Variants in TMEM232 observed in about 807,000 individuals in gnomAD.
TMEM232 encodes the protein transmembrane protein 232.
In TMEM232, 80 loss-of-function variants were observed where a neutral mutation model predicts 78.8. The ratio of observed to expected loss-of-function variants is 1.01; its 90% CI spans 0.85 to 1.22. The LOEUF (loss-of-function observed/expected upper bound fraction) is 1.22, where lower values mean the gene tolerates loss of function less well. TMEM232 is among the 50% of genes most tolerant of loss of function. The pLI, the probability that TMEM232 is intolerant of heterozygous loss-of-function variation, is 0.00. For synonymous variants in TMEM232, 297 were observed against 254.3 expected, an observed-to-expected ratio of 1.17 and a Z score of -1.60; for missense variants, 881 against 742.2, an observed-to-expected ratio of 1.19 and a Z score of -2.17.
In TMEM232 at chr5:110,429,092, A is replaced by G. The variant is rs530416841; in HGVS notation, c.1704-4176T>C. ...AGGAGTGGGAAAAAATAATAAGAAG[A>G]AAAAGCTTAGATTCTTCTCTCCAGA... On this transcript the variant is annotated intron_variant, in intron 12 of 13. Transcript: ENST00000455884. 4.4e-4 allele frequency among the ~76,000 whole-genome samples: 67 copies of G among 151,990 alleles called. 1 individual carries two copies. The highest frequency in any genetic ancestry group is 2.2e-3 in the Admixed American group (33 of 15,216).
chr5:110,437,036 T>C (rs563619566), intron 12 of TMEM232, among the ~76,000 whole-genome samples: 7 of 152,208 alleles, frequency 4.6e-5, no homozygotes, highest in African/African-American at 1.7e-4. Context: ...TAGACTGCTT[T>C]GGGTAGTATG....
chr5:110,700,582 A>G (rs1795307714), intron 1 of TMEM232, among the ~76,000 whole-genome samples: 1 of 152,036 alleles, frequency 6.6e-6, no homozygotes, highest in Non-Finnish European at 1.5e-5. Context: ...TATTGCAAGG[A>G]ACCAGGACAT....
rs78510152 is a variant in TMEM232 at position 110,638,244 on chromosome 5, G to A, written c.455C>T (p.Ala152Val). Residue 152 changes from alanine to valine, a missense_variant, in exon 5 of 14, where the codon GCA becomes GTA. Ala to Val is a moderately conservative substitution (Grantham distance 64). Coordinates refer to ENST00000455884, the MANE Select transcript of TMEM232 (RefSeq NM_001039763.4). ...TGAATATAAATATGTTTTGAGGGAT[G>A]CATCACAACACAGTCTGTATAAAAC... ...ESVLYRLCCD[A>V]SLKTYLYSVE... 1.0e-2 allele frequency: 15,479 copies of A among 1,549,128 alleles called. 384 individuals carry two copies. The highest frequency in any genetic ancestry group is 0.092 in the African/African-American group (6,722 of 73,012).
chr5:110,401,555 A>T lies in TMEM232; in HGVS notation n.309-3701T>A, dbSNP rs374495034. ...TAGGCCACCCCTGGGAATTTATTTT[A>T]TGCTGTGGTAGCTTGTTCTGGCTTA... On this transcript the variant is annotated intron_variant and non_coding_transcript_variant, in intron 2 of 8. Coordinates refer to the TMEM232 transcript ENST00000507188. 6.6e-5 allele frequency among the ~76,000 whole-genome samples: 10 copies of T among 152,130 alleles called. 1 individual carries two copies. In the East Asian group the frequency reaches 7.8e-4, roughly 12 times the overall value.
intron 10 of TMEM232, among the ~76,000 whole-genome samples, chr5:110,590,832 T>G (rs544921049): frequency 1.7e-3 from 260 of 152,204 alleles, no homozygotes; most frequent in African/African-American, 5.8e-3. Context: ...AGCAAGCACC[T>G]TCTTCACAAG....
chr5:110,693,924 C>A (rs1794442469), intron 1 of TMEM232, among the ~76,000 whole-genome samples: 1 of 152,056 alleles, frequency 6.6e-6, no homozygotes, highest in Admixed American at 6.6e-5. Flanking sequence ...GCAAGGCAGG[C>A]CAACATTCAA....
chr5:110,555,217 G>T (rs185029830), intron 11 of TMEM232, among the ~76,000 whole-genome samples: 201 of 152,072 alleles, frequency 1.3e-3, no homozygotes, highest in African/African-American at 4.8e-3. Flanking sequence ...TTGTATCTTT[G>T]TTTTCATAAG....
Position 110,525,820 on chromosome 5 carries a change from C to G in TMEM232, c.1703+2768G>C, listed in dbSNP as rs114174557. 8.9e-3 allele frequency among the ~76,000 whole-genome samples: 1,339 copies of G among 150,330 alleles called. 29 individuals are homozygous for G. The highest frequency in any genetic ancestry group is 0.031 in the African/African-American group (1,288 of 41,168). The stretch of plus-strand genomic sequence containing the variant: ...TATATATTAAAATGTATTATACAGT[C>G]CAAATATAGGCTTATGGTTAGAATA... On this transcript the variant is annotated intron_variant, in intron 12 of 13. Transcript: ENST00000455884.
At chr5:110,684,320 A>G (rs867794155) in intron 1 of TMEM232, among the ~76,000 whole-genome samples, 8 of 152,176 alleles carry the variant, frequency 5.3e-5, no homozygotes, top group African/African-American at 1.4e-4. Context: ...ATCTGTACAA[A>G]CAAAAAATAG....
At chr5:110,574,832 A>G (rs1051609519) in intron 10 of TMEM232, among the ~76,000 whole-genome samples, 1 of 152,170 alleles carries the variant, frequency 6.6e-6, no homozygotes, top group East Asian at 1.9e-4. Flanking sequence ...ATTTTAATTT[A>G]TATCCTTTCA....
intron 12 of TMEM232, among the ~76,000 whole-genome samples, chr5:110,474,920 T>C (rs1052698860): frequency 6.6e-6 from 1 of 151,964 alleles, no homozygotes; most frequent in African/African-American, 2.4e-5. Context: ...GACCAAAAGA[T>C]ACATATTTTT....
At chr5:110,652,942 T>C (rs1788539853) in intron 2 of TMEM232, among the ~76,000 whole-genome samples, 1 of 152,190 alleles carries the variant, frequency 6.6e-6, no homozygotes, top group African/African-American at 2.4e-5. Context: ...TACTGAAGTC[T>C]CCTGGTTAAA....
intron 2 of TMEM232, among the ~76,000 whole-genome samples, chr5:110,649,640 T>C (rs1269952789): frequency 6.6e-6 from 1 of 152,134 alleles, no homozygotes; most frequent in East Asian, 1.9e-4. Context: ...TTGCATTTGA[T>C]TGATGCAGGT....
chr5:110,630,420 CA>C (rs1484430047), intron 5 of TMEM232, among the ~76,000 whole-genome samples: 2 of 152,150 alleles, frequency 1.3e-5, no homozygotes, highest in African/African-American at 4.8e-5. Flanking sequence ...TCTGTGTTCC[CA>C]CCCAAACCTC....
chr5:110,554,154 T>C (rs1287486037), intron 11 of TMEM232, among the ~76,000 whole-genome samples: 1 of 152,102 alleles, frequency 6.6e-6, no homozygotes, highest in Non-Finnish European at 1.5e-5. Flanking sequence ...CCAAAGGAGA[T>C]TAACATTTGA....
intron 12 of TMEM232, among the ~76,000 whole-genome samples, chr5:110,493,679 G>T (rs1199211811): frequency 6.6e-6 from 1 of 151,968 alleles, no homozygotes; most frequent in Non-Finnish European, 1.5e-5. Context: ...GTCTTTTAAT[G>T]GCTTAAATAT....
intron 5 of TMEM232, among the ~76,000 whole-genome samples, chr5:110,635,352 T>C (rs1467586727): frequency 6.6e-6 from 1 of 151,988 alleles, no homozygotes; most frequent in Non-Finnish European, 1.5e-5. Flanking sequence ...AGCGTTACCC[T>C]AATACCAAAA....
Position 110,606,297 on chromosome 5 carries a change from T to G in TMEM232, c.903-10A>C. 6.6e-7 allele frequency: 1 copy of G among 1,513,014 alleles called. No homozygotes were observed. The highest frequency in any genetic ancestry group is 8.9e-7 in the Non-Finnish European group (1 of 1,126,616). The allele number at this position is 1,513,014 out of a possible 1,614,324, so 93.7% of individuals were successfully genotyped here. A position where few individuals can be genotyped will look rare whatever the true frequency, so the allele number is the denominator to read the frequency against. On this transcript the variant is annotated splice_polypyrimidine_tract_variant and intron_variant, in intron 8 of 13. Transcript: ENST00000455884. ...CAGTACTGAATCCAACCTGAAAATT[T>G]TATGGACGAAAGGATAAAGATTTTA...
chr5:110,690,924 T>C (rs1446809480), intron 1 of TMEM232, among the ~76,000 whole-genome samples: 2 of 150,896 alleles, frequency 1.3e-5, no homozygotes, highest in Non-Finnish European at 2.9e-5. Flanking sequence ...AGTTGAACAA[T>C]GAGAACATGT....
Sources: allele counts gnomAD v4.1 joint callset (sites outside exome capture counted in the v4.1 genomes callset), GRCh38; gene constraint gnomAD v4.1.1; transcripts MANE v1.5; gene names NCBI Gene and HGNC (gene_info 2026-07-23, HGNC 2026-07-21).